The following SLC9A9 variants were observed in gnomAD, a reference collection of about 807,000 sequenced individuals.
SLC9A9 encodes the protein solute carrier family 9 member A9.
Under a neutral mutation model 77.8 loss-of-function variants are expected in SLC9A9, and 62 were observed. That is an observed-to-expected ratio of 0.80 (90% CI 0.65 to 0.98). The LOEUF (loss-of-function observed/expected upper bound fraction) is 0.98. Among genes scored for constraint, SLC9A9 ranks in the 50% least tolerant of loss-of-function variants. The probability of loss-of-function intolerance (pLI) is 0.00; values close to 1 mark genes in which losing one functional copy is unlikely to be tolerated. For synonymous variants in SLC9A9, 320 were observed against 283.5 expected, an observed-to-expected ratio of 1.13 and a Z score of -1.29; for missense variants, 775 against 774.9, an observed-to-expected ratio of 1.00 and a Z score of 0.00.
chr3:143,803,642 G>C (rs1296821778), intron 2 of SLC9A9, among the ~76,000 whole-genome samples: 1 of 152,048 alleles, frequency 6.6e-6, no homozygotes, highest in Non-Finnish European at 1.5e-5. Context: ...TATACTCACT[G>C]TTATTCTCAT....
At chr3:143,530,988 G>GA (rs2036502062) in intron 9 of SLC9A9, among the ~76,000 whole-genome samples, 1 of 152,072 alleles carries the variant, frequency 6.6e-6, no homozygotes, top group Non-Finnish European at 1.5e-5. Context: ...CCAGCACTCA[G>GA]AAAAAACACA....
chr3:143,268,839 A>G (rs1397953657), intron 15 of SLC9A9, 36 bp downstream of exon 15: 2 of 1,530,696 alleles, frequency 1.3e-6, no homozygotes, highest in East Asian at 2.3e-5. Flanking sequence ...CCCACAAGGG[A>G]TATTCCCTCA....
rs188687562 is a variant in SLC9A9, at chr3:143,563,339, C to G, written c.1000+10749G>C. On this transcript the variant is annotated intron_variant, in intron 8 of 15. Coordinates refer to ENST00000316549, the MANE Select transcript of SLC9A9 (RefSeq NM_173653.4). ...CATGACTTCCACTTCTGGACCCCCT[C>G]AGAAAGCATTAGTGCTACTAAATAT... Among the ~76,000 whole-genome samples the G allele has an allele frequency of 1.4e-4, 21 of 152,286 alleles. No individual in the cohort carries two copies. The East Asian group carries it at 3.5e-3, about 25-fold the overall frequency.
At chr3:143,330,125 C>A (rs1299538073) in intron 14 of SLC9A9, among the ~76,000 whole-genome samples, 1 of 152,126 alleles carries the variant, frequency 6.6e-6, no homozygotes, top group Non-Finnish European at 1.5e-5. Context: ...CTGTGTGACC[C>A]GATCACTGCC....
At chr3:143,755,648 T>C (rs1245017957) in intron 4 of SLC9A9, among the ~76,000 whole-genome samples, 5 of 152,166 alleles carry the variant, frequency 3.3e-5, no homozygotes, top group Admixed American at 2.6e-4. Context: ...GATAGAAATA[T>C]GGCAGGATTG....
chr3:143,771,849 G>A (rs568594601), intron 4 of SLC9A9, among the ~76,000 whole-genome samples: 3 of 152,232 alleles, frequency 2.0e-5, no homozygotes, highest in South Asian at 4.1e-4. Context: ...CCAGGGGGTG[G>A]AGAAGGGACC....
intron 9 of SLC9A9, among the ~76,000 whole-genome samples, chr3:143,520,928 G>T (rs980458264): frequency 2.0e-5 from 3 of 152,160 alleles, no homozygotes; most frequent in African/African-American, 7.2e-5. Flanking sequence ...AAATTAATGG[G>T]TAGCTTATCT....
Position 143,832,002 on chromosome 3 carries a change from C to A in SLC9A9, c.378+17G>T. 1 of 1,602,258 alleles carries A rather than the reference C, an allele frequency of 6.2e-7. No homozygotes were observed. Among genetic ancestry groups the A allele is most frequent in the Non-Finnish European group, 8.5e-7 (1 of 1,171,534 alleles). Reference sequence around the variant, plus strand: ...TATACTGTAAAACAAATATATAATACCAGACAGGATCCTTACCTTTTCAAG... The same window carrying A: ...TATACTGTAAAACAAATATATAATAACAGACAGGATCCTTACCTTTTCAAG... On this transcript the variant is annotated intron_variant, in intron 2 of 15. Coordinates refer to ENST00000316549, the MANE Select transcript of SLC9A9 (RefSeq NM_173653.4).
At chr3:143,493,568 G>A in intron 11 of SLC9A9, 85 bp downstream of exon 11, 1 of 1,234,074 alleles carries the variant, frequency 8.1e-7, no homozygotes, top group Non-Finnish European at 1.2e-6. Context: ...TTCCCCAAAA[G>A]GGTTCTAAAT....
intron 11 of SLC9A9, among the ~76,000 whole-genome samples, chr3:143,492,047 C>T (rs1021988950): frequency 6.6e-6 from 1 of 152,004 alleles, no homozygotes; most frequent in African/African-American, 2.4e-5. Context: ...AATCCCAGCA[C>T]TTTGGGAGGC....
At chr3:143,666,286 C>A (rs544136886) in intron 5 of SLC9A9, among the ~76,000 whole-genome samples, 3 of 152,212 alleles carry the variant, frequency 2.0e-5, no homozygotes, top group South Asian at 2.1e-4. Flanking sequence ...ATTCAACAGC[C>A]CTTCATGCTA....
intron 4 of SLC9A9, among the ~76,000 whole-genome samples, chr3:143,771,561 G>A (rs2007517179): frequency 6.6e-6 from 1 of 152,194 alleles, no homozygotes; most frequent in Non-Finnish European, 1.5e-5. Context: ...CTCAAGTACA[G>A]CTAAAGACGC....
At chr3:143,459,005 A>G (rs951592480) in intron 12 of SLC9A9, among the ~76,000 whole-genome samples, 5 of 152,068 alleles carry the variant, frequency 3.3e-5, no homozygotes, top group African/African-American at 1.2e-4. Context: ...GGAATCTTTC[A>G]TCTGTCATCC....
At chr3:143,460,562 G>T (rs1254129723) in intron 12 of SLC9A9, among the ~76,000 whole-genome samples, 1 of 152,066 alleles carries the variant, frequency 6.6e-6, no homozygotes, top group Non-Finnish European at 1.5e-5. Flanking sequence ...TCCATTGTTT[G>T]GTAAACTTAG....
chr3:143,337,495 A>G (rs542534339), intron 14 of SLC9A9, among the ~76,000 whole-genome samples: 164 of 152,328 alleles, frequency 1.1e-3, no homozygotes, highest in African/African-American at 3.8e-3. Flanking sequence ...TGATGCAGTC[A>G]GGCTCTACTT....
At chr3:143,336,164 C>G (rs1040794032) in intron 14 of SLC9A9, among the ~76,000 whole-genome samples, 1 of 152,110 alleles carries the variant, frequency 6.6e-6, no homozygotes, top group Non-Finnish European at 1.5e-5. Flanking sequence ...CTCAATATCT[C>G]TAATCATCAG....
intron 6 of SLC9A9, among the ~76,000 whole-genome samples, chr3:143,622,027 C>G (rs1025092186): frequency 4.6e-5 from 7 of 151,858 alleles, no homozygotes; most frequent in African/African-American, 1.2e-4. Context: ...GATGGAAGAT[C>G]AAATGAATGA....
chr3:143,294,426 G>A (rs533782972), intron 14 of SLC9A9, among the ~76,000 whole-genome samples: 6 of 152,266 alleles, frequency 3.9e-5, no homozygotes, highest in African/African-American at 1.4e-4. Flanking sequence ...ACAAGGCAAG[G>A]CACTCAATAC....
chr3:143,525,037 C>T (rs2108616573), intron 9 of SLC9A9, among the ~76,000 whole-genome samples: 1 of 152,204 alleles, frequency 6.6e-6, no homozygotes, highest in South Asian at 2.1e-4. Flanking sequence ...CTCAAGTATT[C>T]TGTTATTGCA....
Sources: allele counts gnomAD v4.1 joint callset (sites outside exome capture counted in the v4.1 genomes callset), GRCh38; gene constraint gnomAD v4.1.1; transcripts MANE v1.5; gene names NCBI Gene and HGNC (gene_info 2026-07-23, HGNC 2026-07-21).